The following ZNF292 variants were observed in gnomAD, a reference collection of about 807,000 sequenced individuals.
ZNF292 encodes 16 zinc-finger domain protein.
ZNF292 carries 26 observed loss-of-function variants against 217.9 expected under a neutral mutation model. The ratio of observed to expected loss-of-function variants is 0.12; its 90% CI spans 0.09 to 0.17. ZNF292 has a LOEUF of 0.17. Ranked by LOEUF, ZNF292 falls within the 10% of genes least tolerant of loss-of-function variation. The probability of loss-of-function intolerance (pLI) is 1.00; values close to 1 mark genes in which losing one functional copy is unlikely to be tolerated. For synonymous variants in ZNF292, 1,257 were observed against 1,124.1 expected (o/e 1.12, Z -2.37); for missense variants, 2,904 against 3,175.2 (o/e 0.91, Z 2.05).
chr6:87,205,835 C>T (rs975192917), intron 1 of ZNF292, among the ~76,000 whole-genome samples: 13 of 152,106 alleles, frequency 8.5e-5, no homozygotes, highest in African/African-American at 2.7e-4. Context: ...ATTACTTTTA[C>T]GTTTTTATAC....
In ZNF292 at chr6:87,259,021, G is replaced by A. The variant is rs1375053907; in HGVS notation, c.5392G>A (p.Val1798Ile). ...QINYNIQLPS[V>I]NTVQNNKLPD... ...AAATTATAACATTCAGCTTCCTTCA[G>A]TAAACACTGTGCAAAATAACAAATT... is the stretch of plus-strand genomic sequence containing the variant. Residue 1798 changes from valine to isoleucine, a missense_variant, in exon 8 of 8, where the codon GTA becomes ATA. Physicochemically the swap from Val to Ile is conservative, Grantham distance 29. Transcript: ENST00000369577. 1.2e-6 allele frequency: 2 copies of A among 1,613,522 alleles called. No homozygotes were observed. The highest frequency in any genetic ancestry group is 8.5e-7 in the Non-Finnish European group (1 of 1,179,694).
intron 5 of ZNF292, among the ~76,000 whole-genome samples, chr6:87,238,263 T>C (rs1050649861): frequency 6.6e-6 from 1 of 152,080 alleles, no homozygotes. Flanking sequence ...AAAGTGGGTG[T>C]ATCACCTGAG....
chr6:87,170,991 G>A (rs1249487746), intron 1 of ZNF292, among the ~76,000 whole-genome samples: 1 of 152,160 alleles, frequency 6.6e-6, no homozygotes, highest in African/African-American at 2.4e-5. Flanking sequence ...GATGTTTTAT[G>A]TATGATATGA....
rs565562212 is a variant in ZNF292, at chr6:87,256,777, T to G, written c.3148T>G (p.Cys1050Gly). ...CAATTTACCAACTTCCAAATTTGAA[T>G]GTGGAGATAATGTTAAAACATCATC... ...QNNLPTSKFECGDNVKTSSNL... is the reference protein window; with the variant it reads ...QNNLPTSKFEGGDNVKTSSNL... Residue 1050 changes from cysteine (C) to glycine (G), a missense_variant, in exon 8 of 8, where the codon TGT becomes GGT. By Grantham distance (159) the Cys-to-Gly change is radical. Coordinates refer to ENST00000369577, the MANE Select transcript of ZNF292 (RefSeq NM_015021.3). 1 of 1,613,002 alleles carries G rather than the reference T, an allele frequency of 6.2e-7. No homozygotes were observed. The highest frequency in any genetic ancestry group is 1.3e-5 in the African/African-American group (1 of 75,048).
At chr6:87,235,048 C>G (rs1389904070) in intron 5 of ZNF292, among the ~76,000 whole-genome samples, 1 of 152,046 alleles carries the variant, frequency 6.6e-6, no homozygotes, top group Admixed American at 6.6e-5. Flanking sequence ...TACTATATCA[C>G]TATTAGTTTG....
chr6:87,229,706 G>A (rs1159292277), intron 4 of ZNF292, among the ~76,000 whole-genome samples: 1 of 152,208 alleles, frequency 6.6e-6, no homozygotes, highest in Non-Finnish European at 1.5e-5. Flanking sequence ...GATTACAGGT[G>A]TGAGCCACCG....
intron 2 of ZNF292, 116 bp from the exon 3 acceptor site, chr6:87,216,183 T>G: frequency 7.6e-7 from 1 of 1,323,186 alleles, no homozygotes; most frequent in Non-Finnish European, 1.0e-6. Context: ...TCTTATAGTT[T>G]AATTTTAAAT....
chr6:87,159,054 T>G (rs546705523), intron 1 of ZNF292, among the ~76,000 whole-genome samples: 11 of 152,380 alleles, frequency 7.2e-5, no homozygotes, highest in African/African-American at 2.6e-4. Context: ...GTAATTTTTA[T>G]GAGCAAAAGT....
At position 87,264,176 on chromosome 6, in the gene ZNF292, A is replaced by G. The variant is rs1356669276; in HGVS notation, c.*2375A>G. The G allele has an allele frequency of 6.6e-6, 1 of 152,164 alleles. No individual in the cohort carries two copies. The highest frequency in any genetic ancestry group is 2.4e-5 in the African/African-American group (1 of 41,442). The allele number at this position is 152,164 out of a possible 1,614,324, so 9.4% of individuals were successfully genotyped here. A position where few individuals can be genotyped will look rare whatever the true frequency, so the allele number is the denominator to read the frequency against. The stretch of plus-strand genomic sequence containing the variant: ...AATGTCTAAGTATTAAAAAATCATA[A>G]AATATATTTTTTTCATGGTATACTT... On this transcript the variant is annotated 3_prime_UTR_variant, in exon 8 of 8. Transcript: ENST00000369577.
Position 87,263,641 on chromosome 6 carries a change from G to A in ZNF292, c.*1840G>A, listed in dbSNP as rs1582540127. The A allele has an allele frequency of 6.6e-6, 1 of 152,090 alleles. No homozygotes were observed. 9.4% of individuals were successfully genotyped at this position (152,090 alleles called of 1,614,324 possible). ...CACGTTAAAATCCCTGCCCTTTGGT[G>A]AGCCCACTGTTATTTATTAAAATAA... On this transcript the variant is annotated 3_prime_UTR_variant, in exon 8 of 8. Transcript: ENST00000369577.
intron 7 of ZNF292, among the ~76,000 whole-genome samples, chr6:87,250,274 A>G (rs1306390130): frequency 9.1e-6 from 1 of 109,878 alleles, no homozygotes; most frequent in Non-Finnish European, 1.8e-5. Context: ...TCTACCAAAA[A>G]AAAAAAAATA....
In ZNF292 at chr6:87,245,587, T is replaced by A; in HGVS notation, c.963T>A (p.Ser321=). 6.4e-7 allele frequency: 1 copy of A among 1,558,826 alleles called. No individual in the cohort carries two copies. Among genetic ancestry groups the A allele is most frequent in the South Asian group, 1.2e-5 (1 of 84,812 alleles). The change falls in exon 7 of 8, where the codon TCT becomes TCA. Residue 321 remains serine, a synonymous_variant. Coordinates refer to ENST00000369577, the MANE Select transcript of ZNF292 (RefSeq NM_015021.3). ...ACCTTGAGAGGTGTCGTCAACTTTC[T>A]TTGTTAACGAAAACAGTATATCACA... ...QVYLERCRQL[S]LLTKTVYHIF...
rs1375441049 is a variant in ZNF292, at chr6:87,257,851, A to G, written c.4222A>G (p.Ile1408Val). 2.5e-6 allele frequency: 4 copies of G among 1,613,862 alleles called. No homozygotes were observed. Among genetic ancestry groups the G allele is most frequent in the East Asian group, 2.2e-5 (1 of 44,876 alleles). Residue 1408 changes from isoleucine to valine, a missense_variant, in exon 8 of 8, where the codon ATT becomes GTT. By Grantham distance (29) the Ile-to-Val change is conservative (BLOSUM62 3). Around this residue, in one of 15 missense-constraint regions of ZNF292, gnomAD observed 622 missense variants for 573.1 expected, o/e 1.09. Transcript: ENST00000369577. ...SYCKPLDGAE[I>V]AQELLQSNGQ... is the part of the protein sequence containing the mutation. ...CTGTAAACCACTGGATGGAGCCGAA[A>G]TTGCTCAAGAACTTCTACAGAGTAA... is the stretch of plus-strand genomic sequence containing the variant.
At chr6:87,179,931 G>A (rs1771420318) in intron 1 of ZNF292, among the ~76,000 whole-genome samples, 1 of 151,980 alleles carries the variant, frequency 6.6e-6, no homozygotes, top group South Asian at 2.1e-4. Context: ...TATTGCTTCT[G>A]CCATGTTTTA....
intron 5 of ZNF292, among the ~76,000 whole-genome samples, chr6:87,237,399 G>C (rs1773956102): frequency 6.6e-6 from 1 of 152,036 alleles, no homozygotes. Flanking sequence ...ACGCCGCCAT[G>C]CCTGGCTAAT....
rs778664577 is a variant in ZNF292, at chr6:87,257,697, A to G, written c.4068A>G (p.Arg1356=). 4.3e-6 allele frequency: 7 copies of G among 1,612,926 alleles called. No individual in the cohort carries two copies. The Admixed American group carries it at 1.0e-4, about 23-fold the overall frequency. Residue 1356 remains arginine (R), a synonymous_variant, in exon 8 of 8, where the codon AGA becomes AGG. Coordinates refer to ENST00000369577, the MANE Select transcript of ZNF292 (RefSeq NM_015021.3). Reference sequence around the variant, plus strand: ...GGCGGGGCCCAAATGGGAAGGAAAGAAAACCTAAGCACAACAAAAGGGCTA... The same window carrying G: ...GGCGGGGCCCAAATGGGAAGGAAAGGAAACCTAAGCACAACAAAAGGGCTA... The part of the protein sequence containing the change: ...DRGRGPNGKE[R]KPKHNKRAKW...
chr6:87,160,898 A>G (rs1161324253), intron 1 of ZNF292, among the ~76,000 whole-genome samples: 1 of 152,152 alleles, frequency 6.6e-6, no homozygotes, highest in African/African-American at 2.4e-5. Context: ...CGTCCCAACA[A>G]ATGAAAGCGT....
intron 1 of ZNF292, chr6:87,173,433 CT>C (rs1158807107): frequency 5.1e-5 from 8 of 156,726 alleles, no homozygotes; most frequent in African/African-American, 7.2e-5. Flanking sequence ...GTGTTTCTTT[CT>C]TTTTTTTTCT....
rs1775377192 is a variant in ZNF292 at position 87,258,625 on chromosome 6, A to G, written c.4996A>G (p.Thr1666Ala). The part of the protein sequence containing the change: ...GLIAKSVEIP[T>A]TNLHSNVIPT... ...CATAGCAAAGAGTGTTGAAATCCCA[A>G]CTACTAACCTTCATTCAAATGTAAT... Residue 1666 changes from threonine (T) to alanine (A), a missense_variant, in exon 8 of 8, where the codon ACT becomes GCT. Coordinates refer to ENST00000369577, the MANE Select transcript of ZNF292 (RefSeq NM_015021.3). 1.2e-6 allele frequency: 2 copies of G among 1,613,626 alleles called. No individual in the cohort carries two copies. Among genetic ancestry groups the G allele is most frequent in the South Asian group, 1.1e-5 (1 of 91,056 alleles).
Sources: allele counts gnomAD v4.1 joint callset (sites outside exome capture counted in the v4.1 genomes callset), GRCh38; gene constraint gnomAD v4.1.1; regional missense constraint gnomAD v4.1.1; transcripts MANE v1.5; gene names NCBI Gene and HGNC (gene_info 2026-07-23, HGNC 2026-07-21).